The following FAAP20 variants were observed in gnomAD, a reference collection of about 807,000 sequenced individuals.
FAAP20 encodes the protein FA core complex associated protein 20, also known as Fanconi anemia core complex-associated protein 20.
FAAP20 carries 12 observed loss-of-function variants against 16.2 expected under a neutral mutation model. That is an observed-to-expected ratio of 0.74 (90% CI 0.48 to 1.20). The LOEUF (loss-of-function observed/expected upper bound fraction) is 1.20. Ranked by LOEUF, FAAP20 falls within the 50% of genes most tolerant of loss-of-function variation. FAAP20 has a pLI of 0.00. For synonymous variants in FAAP20, 141 were observed against 110.7 expected (o/e 1.27, Z -1.72); for missense variants, 288 against 245.8 (o/e 1.17, Z -1.15).
chr1:2,194,061 G>A lies in FAAP20; in HGVS notation c.135C>T (p.Arg45=), dbSNP rs1403629736. The A allele has an allele frequency of 2.5e-6, 4 of 1,612,670 alleles. No individual in the cohort carries two copies. The South Asian group carries it at 4.4e-5, about 18-fold the overall frequency. Residue 45 remains arginine (R), a synonymous_variant, in exon 2 of 4, where the codon CGC becomes CGT. Coordinates refer to ENST00000378546, the MANE Select transcript of FAAP20 (RefSeq NM_182533.4). ...ERERLWAELL[R]TVSPELILDH... The stretch of plus-strand genomic sequence containing the variant: ...CCAGGATCAGCTCCGGGCTCACCGT[G>A]CGCAGTAGCTCGGCCCAGAGCCGCT...
downstream of FAAP20, among the ~76,000 whole-genome samples, chr1:2,208,532 G>A (rs1039768840): frequency 2.0e-5 from 3 of 152,206 alleles, no homozygotes; most frequent in Admixed American, 6.5e-5. Flanking sequence ...GCTGGGAGGG[G>A]GTGAGTACCA....
downstream of FAAP20, among the ~76,000 whole-genome samples, chr1:2,186,446 G>A (rs58211349): frequency 2.4e-3 from 363 of 151,896 alleles, 1 homozygote; most frequent in African/African-American, 8.4e-3. Context: ...GAATGCCAGC[G>A]CTGGGCATAC....
At position 2,189,568 on chromosome 1, in the gene FAAP20, AG is replaced by A; in HGVS notation, c.*140del. 1 of 715,358 alleles carries A rather than the reference AG, an allele frequency of 1.4e-6. No individual in the cohort carries two copies. Among genetic ancestry groups the A allele is most frequent in the Non-Finnish European group, 2.5e-6 (1 of 399,370 alleles). 44.3% of individuals were successfully genotyped at this position (715,358 alleles called of 1,614,324 possible). ...AGACGTTTCATCACAACACAGAGAC[AG>A]ACAGGAGCCCGCCCTGCTTTAATGC... On this transcript the variant is annotated 3_prime_UTR_variant, in exon 4 of 4. Transcript: ENST00000378546.
chr1:2,189,615 G>GCGGGGCTGCTGGCGGGGGAGCCGAGAGC lies in FAAP20; in HGVS notation c.*93_*94insGCTCTCGGCTCCCCCGCCAGCAGCCCCG. On this transcript the variant is annotated 3_prime_UTR_variant, in exon 4 of 4. Coordinates refer to ENST00000378546, the MANE Select transcript of FAAP20 (RefSeq NM_182533.4). The stretch of plus-strand genomic sequence containing the variant: ...AATGCGCATGCGGGGGAGCCGAGAG[G>GCGGGGCTGCTGGCGGGGGAGCCGAGAGC]CGGGGCTGCTGGCGGGGGAGCCGAG... The GCGGGGCTGCTGGCGGGGGAGCCGAGAGC allele has an allele frequency of 1.1e-6, 1 of 932,786 alleles. No homozygotes were observed. The highest frequency in any genetic ancestry group is 1.6e-6 in the Non-Finnish European group (1 of 613,714). The allele number at this position is 932,786 out of a possible 1,614,324, so 57.8% of individuals were successfully genotyped here.
At chr1:2,203,030 C>T (rs1412303206), upstream of FAAP20, among the ~76,000 whole-genome samples, 2 of 152,212 alleles carry the variant, frequency 1.3e-5, no homozygotes, top group African/African-American at 4.8e-5. Context: ...ACAGTGCTGT[C>T]CATCCGAGTG....
At chr1:2,211,900 C>CCTT (rs774712869), downstream of FAAP20, among the ~76,000 whole-genome samples, 1 of 99,014 alleles carries the variant, frequency 1.0e-5, no homozygotes, top group African/African-American at 5.1e-5. Flanking sequence ...CAAGCTGCTG[C>CCTT]TTTTTTTTTT....
chr1:2,211,904 T>TA (rs1259668790), downstream of FAAP20, among the ~76,000 whole-genome samples: 1 of 142,862 alleles, frequency 7.0e-6, no homozygotes, highest in African/African-American at 2.7e-5. Flanking sequence ...CTGCTGCTTT[T>TA]TTTTTTTTTT....
chr1:2,198,904 C>T, upstream of FAAP20: 2 of 1,289,792 alleles, frequency 1.6e-6, no homozygotes, highest in Non-Finnish European at 2.0e-6. Flanking sequence ...ACGGGAGTGC[C>T]AGGCAGACAG....
rs774576456 is a variant in FAAP20, at chr1:2,194,108, G to A, written c.88C>T (p.Leu30Phe). ...CGCTCCCGCTCATCACCCCCCAGGA[G>A]AAACCAGGGGCGGCCGCCAGAAGGC... ...GGPSGGRPWF[L>F]LGGDERERLW... The change falls in exon 2 of 4, where the codon CTC becomes TTC. Residue 30 changes from leucine (L) to phenylalanine (F), a missense_variant. Physicochemically the swap from Leu to Phe is conservative, Grantham distance 22. Coordinates refer to ENST00000378546, the MANE Select transcript of FAAP20 (RefSeq NM_182533.4). 4.3e-6 allele frequency: 7 copies of A among 1,612,458 alleles called. No homozygotes were observed. The highest frequency in any genetic ancestry group is 5.9e-6 in the Non-Finnish European group (7 of 1,179,886).
At chr1:2,202,713 C>T (rs1286398628), upstream of FAAP20, among the ~76,000 whole-genome samples, 3 of 152,104 alleles carry the variant, frequency 2.0e-5, no homozygotes, top group African/African-American at 4.8e-5. Flanking sequence ...TGAGCTCAAG[C>T]GATCCTCTTC....
chr1:2,188,370 A>T (rs1687796734), downstream of FAAP20, among the ~76,000 whole-genome samples: 1 of 152,212 alleles, frequency 6.6e-6, no homozygotes, highest in East Asian at 1.9e-4. Flanking sequence ...CCCCTGGCGA[A>T]TGATGAGGCC....
intron 3 of FAAP20, chr1:2,192,733 C>A: frequency 8.8e-7 from 1 of 1,135,220 alleles, no homozygotes; most frequent in South Asian, 1.5e-5. Flanking sequence ...CCCACTTCAG[C>A]CTCCAGAGTA....
At chr1:2,200,912 C>G (rs1287065821), upstream of FAAP20, 1 of 1,124,318 alleles carries the variant, frequency 8.9e-7, no homozygotes, top group African/African-American at 1.6e-5. Context: ...CAGGGAAGGT[C>G]TGGCTTCTCG....
chr1:2,189,989 G>A (rs1687999909), intron 3 of FAAP20: 1 of 620,386 alleles, frequency 1.6e-6, no homozygotes, highest in Non-Finnish European at 2.9e-6. Context: ...CCGTGAGGAG[G>A]CCACGCCAGG....
chr1:2,185,617 G>C, downstream of FAAP20: 1 of 669,972 alleles, frequency 1.5e-6, no homozygotes, highest in Non-Finnish European at 2.8e-6. Flanking sequence ...CTAGGGTGAA[G>C]TGACACCTTA....
At chr1:2,189,976 T>G (rs1687997345) in intron 3 of FAAP20, 195 bp from the exon 4 acceptor site, 1 of 630,372 alleles carries the variant, frequency 1.6e-6, no homozygotes, top group Non-Finnish European at 2.9e-6. Context: ...TTCCACACCG[T>G]GCCCGTGAGG....
chr1:2,202,166 C>A (rs2100739897), upstream of FAAP20, among the ~76,000 whole-genome samples: 1 of 152,348 alleles, frequency 6.6e-6, no homozygotes, highest in East Asian at 1.9e-4. Context: ...GGCCCCTGTG[C>A]AGACTCCGGG....
In FAAP20 at chr1:2,194,680, G is replaced by A. The variant is rs897977193; in HGVS notation, c.62+8C>T. The A allele has an allele frequency of 8.8e-7, 1 of 1,140,530 alleles. No homozygotes were observed. Among genetic ancestry groups the A allele is most frequent in the Non-Finnish European group, 1.1e-6 (1 of 930,074 alleles). The allele number at this position is 1,140,530 out of a possible 1,614,324, so 70.7% of individuals were successfully genotyped here. ...CCGGCCGCGCCCCCGCCCGGCTCCCGGCCTCACCCGCCCGCCGGGCGCGGC... is the reference window on the plus strand; with the variant it reads ...CCGGCCGCGCCCCCGCCCGGCTCCCAGCCTCACCCGCCCGCCGGGCGCGGC... On this transcript the variant is annotated splice_region_variant and intron_variant, in intron 1 of 3. Coordinates refer to ENST00000378546, the MANE Select transcript of FAAP20 (RefSeq NM_182533.4).
upstream of FAAP20, chr1:2,203,388 C>T: frequency 2.0e-6 from 2 of 980,082 alleles, no homozygotes; most frequent in Non-Finnish European, 2.4e-6. Flanking sequence ...CATGGCTGCC[C>T]TGCCCAGGCC....
Sources: gnomAD v4.1 joint callset for allele counts (sites outside exome capture counted in the v4.1 genomes callset) on GRCh38, gnomAD v4.1.1 for gene constraint, MANE v1.5 for transcripts, NCBI Gene and HGNC (gene_info 2026-07-23, HGNC 2026-07-21) for gene names.